Variants in NFIX observed in about 807,000 individuals in gnomAD.
The protein encoded by NFIX is nuclear factor I X, also known as nuclear factor 1 X-type.
Under a neutral mutation model 53.3 loss-of-function variants are expected in NFIX, and 2 were observed. That is an observed-to-expected ratio of 0.04 (90% CI 0.02 to 0.12). The LOEUF is 0.12. NFIX is among the 10% of genes least tolerant of loss of function. NFIX has a pLI of 1.00. For missense variants in NFIX, 310 were observed against 674.5 expected (o/e 0.46, Z 5.99); for synonymous variants, 244 against 289.0 (o/e 0.84, Z 1.58).
At chr19:13,029,364 C>T (rs1208955999) in intron 2 of NFIX, among the ~76,000 whole-genome samples, 1 of 152,194 alleles carries the variant, frequency 6.6e-6, no homozygotes, top group Non-Finnish European at 1.5e-5. Context: ...GGTTAATGTT[C>T]ACATTTCCCT....
intron 1 of NFIX, among the ~76,000 whole-genome samples, chr19:13,019,675 A>G (rs2012855934): frequency 7.4e-6 from 1 of 135,900 alleles, no homozygotes; most frequent in Admixed American, 7.1e-5. Context: ...TGGCATGGGT[A>G]TGTATTTTAG....
rs1209383528 is a variant in NFIX at position 13,067,457 on chromosome 19, T to TGC, written c.560-5584_560-5583dup. Among the ~76,000 whole-genome samples, 4 of 144,594 alleles carry TGC rather than the reference T, an allele frequency of 2.8e-5. No homozygotes were observed. The highest frequency in any genetic ancestry group is 2.0e-4 in the East Asian group (1 of 4,974). 94.9% of individuals were successfully genotyped at this position (144,594 alleles called of 152,430 possible). A position where few individuals can be genotyped will look rare whatever the true frequency, so the allele number is the denominator to read the frequency against. On this transcript the variant is annotated intron_variant, in intron 2 of 10. Transcript: ENST00000592199. The surrounding 1 kb of genome is among the most constrained non-coding windows in gnomAD (Gnocchi z 4.2). ...GTGGTTAGTGGCACCTCCGTGTGTGTGCGCGCGTGTGTGTGTGTGTGTGTG... is the reference window on the plus strand; with the variant it reads ...GTGGTTAGTGGCACCTCCGTGTGTGTGCGCGCGCGTGTGTGTGTGTGTGTGTG...
intron 2 of NFIX, among the ~76,000 whole-genome samples, chr19:13,054,078 T>C (rs2015495986): frequency 6.6e-6 from 1 of 152,168 alleles, no homozygotes; most frequent in Non-Finnish European, 1.5e-5. Flanking sequence ...CTTCCCGGCC[T>C]GACTCCTGGT....
intron 2 of NFIX, among the ~76,000 whole-genome samples, chr19:13,056,998 ACT>A (rs1473980116): frequency 3.9e-5 from 6 of 151,940 alleles, no homozygotes; most frequent in African/African-American, 1.5e-4. Context: ...TCCCTCAGAG[ACT>A]CTAACTTTCT....
rs1413826787 is a variant in NFIX, at chr19:13,049,782, CAG to C, written c.560-23264_560-23263del. ...CTAATTTTTGTGTTTTTAGTAGAGA[CAG>C]GGTTTCACCATATTGGCCAGGCTGG... is the stretch of plus-strand genomic sequence containing the variant. On this transcript the variant is annotated intron_variant, in intron 2 of 10. Coordinates refer to ENST00000592199, the MANE Select transcript of NFIX (RefSeq NM_001365902.3). The surrounding 1 kb of genome is among the most constrained non-coding windows in gnomAD (Gnocchi z 4.5). 6.6e-6 allele frequency among the ~76,000 whole-genome samples: 1 copy of C among 152,056 alleles called. No individual in the cohort carries two copies. Among genetic ancestry groups the C allele is most frequent in the Non-Finnish European group, 1.5e-5 (1 of 68,008 alleles).
chr19:13,054,602 C>G (rs780981851), intron 2 of NFIX, among the ~76,000 whole-genome samples: 2 of 152,066 alleles, frequency 1.3e-5, no homozygotes, highest in Admixed American at 6.5e-5. Context: ...CTCCAAGAGT[C>G]GGAGCTGGGT....
chr19:13,092,924 C>G (rs1299532412), intron 10 of NFIX, among the ~76,000 whole-genome samples: 2 of 152,232 alleles, frequency 1.3e-5, no homozygotes, highest in African/African-American at 2.4e-5. Context: ...GGCAGGTGCT[C>G]GAGGAGCCCC....
intron 6 of NFIX, 102 bp downstream of exon 6, chr19:13,075,773 C>CG: frequency 6.0e-6 from 8 of 1,342,770 alleles, no homozygotes; most frequent in South Asian, 1.4e-5. Context: ...GTCCCCCTGT[C>CG]GGGGGGCATT....
intron 2 of NFIX, among the ~76,000 whole-genome samples, chr19:13,030,918 C>T (rs991964668): frequency 3.9e-5 from 6 of 152,198 alleles, no homozygotes; most frequent in African/African-American, 1.2e-4. Context: ...GTGGGGGGCA[C>T]GCAAGTTGCA....
chr19:13,093,725 C>T lies in NFIX; in HGVS notation c.1495-910C>T, dbSNP rs1449465839. Among the ~76,000 whole-genome samples, 3 of 152,146 alleles carry T rather than the reference C, an allele frequency of 2.0e-5. No homozygotes were observed. The highest frequency in any genetic ancestry group is 2.9e-5 in the Non-Finnish European group (2 of 68,004). On this transcript the variant is annotated intron_variant, in intron 10 of 10. Coordinates refer to ENST00000592199, the MANE Select transcript of NFIX (RefSeq NM_001365902.3). The surrounding 1 kb of genome is among the most constrained non-coding windows in gnomAD (Gnocchi z 4.7). Reference sequence around the variant, plus strand: ...AGTCTGTGACAGCCTGGGAGAGGTCCCAAGATGCATTTTCAGGGACCCTCA... The same window carrying T: ...AGTCTGTGACAGCCTGGGAGAGGTCTCAAGATGCATTTTCAGGGACCCTCA...
intron 2 of NFIX, among the ~76,000 whole-genome samples, chr19:13,064,152 C>T (rs530117531): frequency 1.2e-4 from 18 of 152,270 alleles, no homozygotes; most frequent in African/African-American, 2.9e-4. Context: ...AGTTTTTCTT[C>T]GTCAAGTTGG....
Position 13,090,150 on chromosome 19 carries a change from C to T in NFIX, c.1403-149C>T. On this transcript the variant is annotated intron_variant, in intron 9 of 10. Transcript: ENST00000592199. The surrounding 1 kb of genome is among the most constrained non-coding windows in gnomAD (Gnocchi z 6.6). The stretch of plus-strand genomic sequence containing the variant: ...GGAGCCTGGCCTTCAGCTCAGATGC[C>T]CCTCTGGCCCATCCTTCCCACTGCC... The T allele has an allele frequency of 2.8e-6, 2 of 714,168 alleles. No homozygotes were observed. Among genetic ancestry groups the T allele is most frequent in the South Asian group, 3.3e-5 (2 of 60,004 alleles). 44.2% of individuals were successfully genotyped at this position (714,168 alleles called of 1,614,324 possible).
intron 2 of NFIX, among the ~76,000 whole-genome samples, chr19:13,035,858 C>T (rs1292656195): frequency 6.6e-6 from 1 of 152,204 alleles, no homozygotes; most frequent in African/African-American, 2.4e-5. Flanking sequence ...GTGGTCTTAA[C>T]TCTTCCCACC....
At position 13,022,052 on chromosome 19, in the gene NFIX, G is replaced by A. The variant is rs929516057; in HGVS notation, c.28-2969G>A. Reference sequence around the variant, plus strand: ...AACTAATCTCAGGTCAACTGGAGAGGGCAGATCTGGAGAATTAAATGCCTG... The same window carrying A: ...AACTAATCTCAGGTCAACTGGAGAGAGCAGATCTGGAGAATTAAATGCCTG... On this transcript the variant is annotated intron_variant, in intron 1 of 10. Coordinates refer to ENST00000592199, the MANE Select transcript of NFIX (RefSeq NM_001365902.3). This position sits in a 1 kb window ranked among gnomAD's most constrained non-coding sequence, Gnocchi z 4.5. Among the ~76,000 whole-genome samples, 1 of 152,120 alleles carries A rather than the reference G, an allele frequency of 6.6e-6. No individual in the cohort carries two copies. Among genetic ancestry groups the A allele is most frequent in the East Asian group, 1.9e-4 (1 of 5,184 alleles).
Position 13,001,483 on chromosome 19 carries a change from G to A in NFIX, c.27+5619G>A, listed in dbSNP as rs2011692229. 6.6e-6 allele frequency among the ~76,000 whole-genome samples: 1 copy of A among 152,136 alleles called. No homozygotes were observed. Among genetic ancestry groups the A allele is most frequent in the South Asian group, 2.1e-4 (1 of 4,818 alleles). On this transcript the variant is annotated intron_variant, in intron 1 of 10. Transcript: ENST00000592199. The surrounding 1 kb of genome is among the most constrained non-coding windows in gnomAD (Gnocchi z 6.5). ...GGCGCTGCGCACGTCAACGGGTATT[G>A]GTGTACCGGTCACCATCTTTGTATC...
chr19:13,040,447 TG>T lies in NFIX; in HGVS notation c.559+14897del, dbSNP rs573837574. The stretch of plus-strand genomic sequence containing the variant: ...GATCTTCCCTGCCACGCTAGCCTGG[TG>T]GATGCCCTGCGGCAGGGATTGGCAG... On this transcript the variant is annotated intron_variant, in intron 2 of 10. Coordinates refer to ENST00000592199, the MANE Select transcript of NFIX (RefSeq NM_001365902.3). This position sits in a 1 kb window ranked among gnomAD's most constrained non-coding sequence, Gnocchi z 4.2. Among the ~76,000 whole-genome samples the T allele has an allele frequency of 6.6e-6, 1 of 152,362 alleles. No individual in the cohort carries two copies. Among genetic ancestry groups the T allele is most frequent in the East Asian group, 1.9e-4 (1 of 5,180 alleles).
At chr19:13,046,872 C>G (rs1285397376) in intron 2 of NFIX, among the ~76,000 whole-genome samples, 1 of 152,084 alleles carries the variant, frequency 6.6e-6, no homozygotes, top group Non-Finnish European at 1.5e-5. Flanking sequence ...AATCACAGAG[C>G]CTGATCAGGA....
chr19:12,995,811 G>A lies in NFIX; in HGVS notation c.-27G>A. 3 of 981,236 alleles carry A rather than the reference G, an allele frequency of 3.1e-6. No individual in the cohort carries two copies. Among genetic ancestry groups the A allele is most frequent in the Non-Finnish European group, 3.6e-6 (3 of 828,006 alleles). The allele number at this position is 981,236 out of a possible 1,614,324, so 60.8% of individuals were successfully genotyped here. On this transcript the variant is annotated 5_prime_UTR_variant, in exon 1 of 11. Coordinates refer to ENST00000592199, the MANE Select transcript of NFIX (RefSeq NM_001365902.3). ...GGGCCTCCCCTCGCCGCGGCCGGCC[G>A]CCGCGCTCCCGCCCGGGCGCCCAGC...
At chr19:13,053,530 AG>A (rs2015456497) in intron 2 of NFIX, among the ~76,000 whole-genome samples, 1 of 152,072 alleles carries the variant, frequency 6.6e-6, no homozygotes, top group African/African-American at 2.4e-5. Context: ...TGGTGCCCTC[AG>A]ACAGTCCACC....
Sources: gnomAD v4.1 joint callset for allele counts (sites outside exome capture counted in the v4.1 genomes callset) on GRCh38, gnomAD v4.1.1 for gene constraint, Gnocchi (gnomAD v3.1) non-coding constraint, MANE v1.5 for transcripts, NCBI Gene and HGNC (gene_info 2026-07-23, HGNC 2026-07-21) for gene names.